Variants in ANTXR2 observed in about 807,000 individuals in gnomAD.
ANTXR2 encodes anthrax toxin receptor 2.
Under a neutral mutation model 73.7 loss-of-function variants are expected in ANTXR2, and 44 were observed. The ratio of observed to expected loss-of-function variants is 0.60; its 90% CI spans 0.47 to 0.77. The LOEUF (loss-of-function observed/expected upper bound fraction) is 0.77, where lower values mean the gene tolerates loss of function less well. Ranked by LOEUF, ANTXR2 falls within the 30% of genes least tolerant of loss-of-function variation. ANTXR2 has a pLI of 0.00. For synonymous variants in ANTXR2, 217 were observed against 205.9 expected (o/e 1.05, Z -0.46); for missense variants, 604 against 592.5 (o/e 1.02, Z -0.20).
intron 12 of ANTXR2, among the ~76,000 whole-genome samples, chr4:80,003,306 C>T (rs1364736421): frequency 5.4e-5 from 8 of 147,794 alleles, no homozygotes; most frequent in Non-Finnish European, 1.0e-4. Context: ...TAAACTATCG[C>T]AAGAACAAAA....
intron 7 of ANTXR2, among the ~76,000 whole-genome samples, chr4:80,036,403 C>T (rs1202631291): frequency 6.6e-6 from 1 of 152,002 alleles, no homozygotes; most frequent in South Asian, 2.1e-4. Flanking sequence ...CAAATCAGAC[C>T]CCCTGTTTAG....
At chr4:80,047,741 T>C (rs1256144599) in intron 7 of ANTXR2, among the ~76,000 whole-genome samples, 1 of 151,652 alleles carries the variant, frequency 6.6e-6, no homozygotes, top group Non-Finnish European at 1.5e-5. Context: ...CCACCATTCA[T>C]CTAAACAAGG....
In ANTXR2 at chr4:79,986,447, T is replaced by C. The variant is rs548189400; in HGVS notation, c.1042-1584A>G. Among the ~76,000 whole-genome samples the C allele has an allele frequency of 1.1e-4, 16 of 152,326 alleles. No homozygotes were observed. The South Asian group carries it at 3.3e-3, about 32-fold the overall frequency. On this transcript the variant is annotated intron_variant, in intron 12 of 16. Coordinates refer to ENST00000403729, the MANE Select transcript of ANTXR2 (RefSeq NM_058172.6). Reference sequence around the variant, plus strand: ...TGATCATGGATATATATTTAAAGACTGTTTGTCTTTTAAAGGTATGTACAA... The same window carrying C: ...TGATCATGGATATATATTTAAAGACCGTTTGTCTTTTAAAGGTATGTACAA...
At chr4:80,026,547 TCC>T (rs1732453600) in intron 10 of ANTXR2, among the ~76,000 whole-genome samples, 2 of 126,550 alleles carry the variant, frequency 1.6e-5, no homozygotes, top group South Asian at 2.5e-4. Context: ...ATTCTCTACA[TCC>T]TCATATAGGT....
intron 1 of ANTXR2, among the ~76,000 whole-genome samples, 153 bp downstream of exon 1, chr4:80,072,256 C>A (rs1274604646): frequency 6.6e-6 from 1 of 152,176 alleles, no homozygotes; most frequent in South Asian, 2.1e-4. Flanking sequence ...CAGATCCGAA[C>A]GCGCTTGCCC....
At chr4:80,000,195 T>G (rs756447974) in intron 12 of ANTXR2, among the ~76,000 whole-genome samples, 1 of 152,054 alleles carries the variant, frequency 6.6e-6, no homozygotes, top group East Asian at 1.9e-4. Flanking sequence ...TAAATTCTTA[T>G]GTAGTTGTAT....
Position 79,903,828 on chromosome 4 carries a change from A to G in ANTXR2, c.*3601T>C, listed in dbSNP as rs758337167. ...TTCTAGATTATGTATTTCCTTTCAT[A>G]TTGAAATGATGCATATATTTCTTTC... On this transcript the variant is annotated 3_prime_UTR_variant, in exon 17 of 17. Coordinates refer to ENST00000403729, the MANE Select transcript of ANTXR2 (RefSeq NM_058172.6). 1.3e-5 allele frequency: 2 copies of G among 152,122 alleles called. No homozygotes were observed. Among genetic ancestry groups the G allele is most frequent in the Non-Finnish European group, 2.9e-5 (2 of 68,028 alleles). The allele number at this position is 152,122 out of a possible 1,614,324, so 9.4% of individuals were successfully genotyped here. A position where few individuals can be genotyped will look rare whatever the true frequency, so the allele number is the denominator to read the frequency against.
At chr4:80,051,518 A>G (rs2110104172) in intron 7 of ANTXR2, among the ~76,000 whole-genome samples, 1 of 151,830 alleles carries the variant, frequency 6.6e-6, no homozygotes, top group African/African-American at 2.4e-5. Flanking sequence ...ATGAATTACA[A>G]ACCTTCATAT....
intron 7 of ANTXR2, among the ~76,000 whole-genome samples, chr4:80,045,214 T>C (rs1733463750): frequency 6.6e-6 from 1 of 151,802 alleles, no homozygotes; most frequent in Non-Finnish European, 1.5e-5. Flanking sequence ...AGGTAGAATA[T>C]ATAAAAAGAG....
At position 80,046,689 on chromosome 4, in the gene ANTXR2, C is replaced by A. The variant is rs569439777; in HGVS notation, c.636+7583G>T. The stretch of plus-strand genomic sequence containing the variant: ...GCAAATGAAATGTTTCCCTATGCAA[C>A]AATAATAGAAAAAATATCTTACTAA... On this transcript the variant is annotated intron_variant, in intron 7 of 16. Coordinates refer to ENST00000403729, the MANE Select transcript of ANTXR2 (RefSeq NM_058172.6). 1.3e-4 allele frequency among the ~76,000 whole-genome samples: 19 copies of A among 151,732 alleles called. No homozygotes were observed. In the South Asian group the frequency reaches 3.9e-3, roughly 31 times the overall value.
intron 8 of ANTXR2, among the ~76,000 whole-genome samples, chr4:80,034,430 C>T (rs1050164189): frequency 1.3e-5 from 2 of 152,060 alleles, no homozygotes; most frequent in African/African-American, 4.8e-5. Flanking sequence ...AGATCCAAAT[C>T]AGAAGAGGTT....
chr4:79,983,738 T>G, intron 14 of ANTXR2, 140 bp downstream of exon 14: 1 of 701,980 alleles, frequency 1.4e-6, no homozygotes, highest in Non-Finnish European at 2.4e-6. Context: ...GAAAAAAAAA[T>G]GTATCCAGAA....
intron 11 of ANTXR2, among the ~76,000 whole-genome samples, chr4:80,013,780 T>G (rs1326037986): frequency 6.6e-6 from 1 of 152,182 alleles, no homozygotes; most frequent in Non-Finnish European, 1.5e-5. Context: ...ATCTATGGAA[T>G]GGTAATATCA....
At chr4:80,056,278 C>A (rs1218335863) in intron 3 of ANTXR2, among the ~76,000 whole-genome samples, 1 of 151,824 alleles carries the variant, frequency 6.6e-6, no homozygotes, top group Non-Finnish European at 1.5e-5. Context: ...GCCTTCTGAG[C>A]TGAGAACAGA....
chr4:79,904,367 C>A lies in ANTXR2; in HGVS notation c.*3062G>T, dbSNP rs1726826656. ...ATATTTTTGTCAAAATAGTAATTAA[C>A]CATAGATGACAGATGCTGCTCCCTA... On this transcript the variant is annotated 3_prime_UTR_variant, in exon 17 of 17. Coordinates refer to ENST00000403729, the MANE Select transcript of ANTXR2 (RefSeq NM_058172.6). The A allele has an allele frequency of 6.6e-6, 1 of 151,976 alleles. No individual in the cohort carries two copies. The highest frequency in any genetic ancestry group is 1.5e-5 in the Non-Finnish European group (1 of 67,968). 9.4% of individuals were successfully genotyped at this position (151,976 alleles called of 1,614,324 possible). A position where few individuals can be genotyped will look rare whatever the true frequency, so the allele number is the denominator to read the frequency against.
At chr4:79,980,730 C>T (rs892811576) in intron 14 of ANTXR2, among the ~76,000 whole-genome samples, 4 of 152,024 alleles carry the variant, frequency 2.6e-5, no homozygotes, top group African/African-American at 7.2e-5. Context: ...ACATCATCTC[C>T]GTTCCAGCTT....
At chr4:79,915,248 C>A (rs917223228) in intron 16 of ANTXR2, among the ~76,000 whole-genome samples, 8 of 152,210 alleles carry the variant, frequency 5.3e-5, no homozygotes, top group African/African-American at 1.9e-4. Context: ...GACATATTTG[C>A]TGTTGCCTAG....
chr4:79,934,840 C>CA (rs11301737), intron 16 of ANTXR2, among the ~76,000 whole-genome samples: 1,481 of 107,890 alleles, frequency 0.014, 11 homozygotes, highest in South Asian at 0.032. Context: ...AGTCAAGTTT[C>CA]AAAAAAAAAA....
In ANTXR2 at chr4:80,055,444, T is replaced by C. The variant is rs376582494; in HGVS notation, c.402A>G (p.Ala134=). 7 of 1,610,406 alleles carry C rather than the reference T, an allele frequency of 4.3e-6. No homozygotes were observed. In the African/African-American group the frequency reaches 8.0e-5, roughly 18 times the overall value. ...TGATACTGGAGGTTTTCAAGCCTCC[T>C]GCTTTCTGAATTTGTTCATTCGCCT... is the stretch of plus-strand genomic sequence containing the variant. ...LKLANEQIQK[A]GGLKTSSIII... is the part of the protein sequence containing the mutation. Residue 134 remains alanine, a synonymous_variant, in exon 5 of 17, where the codon GCA becomes GCG. Transcript: ENST00000403729.
Sources: gnomAD v4.1 joint callset for allele counts (sites outside exome capture counted in the v4.1 genomes callset) on GRCh38, gnomAD v4.1.1 for gene constraint, MANE v1.5 for transcripts, NCBI Gene and HGNC (gene_info 2026-07-23, HGNC 2026-07-21) for gene names.